Variants in LSAMP observed in about 807,000 individuals in gnomAD.
LSAMP encodes the protein limbic system-associated membrane protein.
A neutral mutation model predicts 38.6 loss-of-function variants in LSAMP; 7 were observed. The ratio of observed to expected loss-of-function variants is 0.18; its 90% CI spans 0.10 to 0.34. The LOEUF (loss-of-function observed/expected upper bound fraction) is 0.34. Among genes scored for constraint, LSAMP ranks in the 10% least tolerant of loss-of-function variants. The pLI is 1.00. For synonymous variants in LSAMP, 154 were observed against 166.8 expected (o/e 0.92, Z 0.59); for missense variants, 313 against 420.0 (o/e 0.75, Z 2.23).
intron 1 of LSAMP, among the ~76,000 whole-genome samples, chr3:116,222,046 C>T (rs2046291853): frequency 6.6e-6 from 1 of 152,148 alleles, no homozygotes; most frequent in Admixed American, 6.5e-5. Flanking sequence ...TTCTCCATCA[C>T]TTGATATTGG....
At chr3:116,392,161 C>T (rs1372223109) in intron 1 of LSAMP, among the ~76,000 whole-genome samples, 1 of 152,196 alleles carries the variant, frequency 6.6e-6, no homozygotes, top group African/African-American at 2.4e-5. Context: ...GTACACATTC[C>T]ACTGAGCCAG....
At chr3:115,862,767 C>T (rs1285183818) in intron 3 of LSAMP, among the ~76,000 whole-genome samples, 1 of 152,194 alleles carries the variant, frequency 6.6e-6, no homozygotes, top group Non-Finnish European at 1.5e-5. Flanking sequence ...AAAATTACTC[C>T]ATCAACATTC....
chr3:116,252,689 C>T (rs559472445), intron 1 of LSAMP, among the ~76,000 whole-genome samples: 9 of 152,282 alleles, frequency 5.9e-5, no homozygotes, highest in South Asian at 2.1e-4. Flanking sequence ...GCATTATGAA[C>T]GTGAATAACT....
chr3:116,121,115 C>T (rs1708865613), intron 1 of LSAMP, among the ~76,000 whole-genome samples: 1 of 152,186 alleles, frequency 6.6e-6, no homozygotes, highest in Admixed American at 6.5e-5. Context: ...TTTGTGTGCA[C>T]TTTTCTCATT....
intron 1 of LSAMP, among the ~76,000 whole-genome samples, chr3:116,215,126 C>G (rs1044901569): frequency 6.6e-6 from 1 of 152,130 alleles, no homozygotes; most frequent in South Asian, 2.1e-4. Context: ...TCCTTATTCT[C>G]AAAATGCTTA....
At chr3:116,439,456 T>C (rs2049401721) in intron 1 of LSAMP, among the ~76,000 whole-genome samples, 1 of 151,778 alleles carries the variant, frequency 6.6e-6, no homozygotes, top group Admixed American at 6.6e-5. Context: ...ACCTACTGAC[T>C]CAAAAACTCT....
rs1559888324 is a variant in LSAMP at position 115,937,795 on chromosome 3, ATGGCCAGCTAAATGATATTGGCTAATC to A, written c.514+81693_514+81719del. Among the ~76,000 whole-genome samples the A allele has an allele frequency of 0.015, 30 of 2,026 alleles. No homozygotes were observed. The East Asian group carries it at 0.35, about 24-fold the overall frequency. 1.3% of individuals were successfully genotyped at this position (2,026 alleles called of 152,430 possible). A position where few individuals can be genotyped will look rare whatever the true frequency, so the allele number is the denominator to read the frequency against. On this transcript the variant is annotated intron_variant, in intron 3 of 6. Transcript: ENST00000490035. ...GCTAAATGATATTGGCTAATCCTGT[ATGGCCAGCTAAATGATATTGGCTAATC>A]CTGTATGGCCAGCTACTTCTTCCAC...
chr3:116,284,842 C>T (rs1302452578), intron 1 of LSAMP, among the ~76,000 whole-genome samples: 1 of 152,074 alleles, frequency 6.6e-6, no homozygotes, highest in Non-Finnish European at 1.5e-5. Context: ...TGATCAAGTC[C>T]ACAAGTTCAT....
chr3:116,297,798 A>G (rs2047355890), intron 1 of LSAMP, among the ~76,000 whole-genome samples: 1 of 152,230 alleles, frequency 6.6e-6, no homozygotes, highest in African/African-American at 2.4e-5. Context: ...ATTTTTTAGG[A>G]AATAAATATT....
chr3:115,980,815 T>G (rs933069218), intron 3 of LSAMP, among the ~76,000 whole-genome samples: 4 of 152,202 alleles, frequency 2.6e-5, no homozygotes, highest in African/African-American at 4.8e-5. Context: ...CCTAAGGTCA[T>G]ATATCTTTTG....
At chr3:115,892,582 G>A (rs1359550710) in intron 3 of LSAMP, among the ~76,000 whole-genome samples, 1 of 151,892 alleles carries the variant, frequency 6.6e-6, no homozygotes, top group African/African-American at 2.4e-5. Context: ...GAAAGCATAA[G>A]GGGGGTTTCG....
intron 1 of LSAMP, among the ~76,000 whole-genome samples, chr3:116,372,245 A>C (rs1440908763): frequency 6.6e-6 from 1 of 152,076 alleles, no homozygotes; most frequent in East Asian, 1.9e-4. Flanking sequence ...AATAAAATAC[A>C]GAGCCCCAAA....
intron 1 of LSAMP, among the ~76,000 whole-genome samples, chr3:116,209,034 A>G (rs1042754433): frequency 5.9e-5 from 9 of 152,126 alleles, no homozygotes; most frequent in South Asian, 2.1e-4. Flanking sequence ...TCAGACTGCT[A>G]TGCTAGCAAT....
chr3:116,375,466 C>G (rs919509194), intron 1 of LSAMP, among the ~76,000 whole-genome samples: 1 of 151,422 alleles, frequency 6.6e-6, no homozygotes, highest in Non-Finnish European at 1.5e-5. Flanking sequence ...AAAATGAAAC[C>G]CATAGCCTAT....
At chr3:116,004,475 A>G (rs1268574935) in intron 3 of LSAMP, among the ~76,000 whole-genome samples, 1 of 125,026 alleles carries the variant, frequency 8.0e-6, no homozygotes, top group Non-Finnish European at 1.8e-5. Flanking sequence ...TACATACACT[A>G]TTATGCATAC....
intron 1 of LSAMP, among the ~76,000 whole-genome samples, chr3:116,196,521 C>A (rs969984073): frequency 6.6e-6 from 1 of 151,736 alleles, no homozygotes; most frequent in Non-Finnish European, 1.5e-5. Context: ...TATTTCTCCC[C>A]GATATACTAT....
At chr3:115,868,629 T>C (rs532190317) in intron 3 of LSAMP, among the ~76,000 whole-genome samples, 2 of 152,240 alleles carry the variant, frequency 1.3e-5, no homozygotes, top group Admixed American at 6.5e-5. Context: ...GAAACTTAAT[T>C]AACTCATTTT....
intron 3 of LSAMP, among the ~76,000 whole-genome samples, chr3:115,909,815 T>C (rs1243084384): frequency 6.6e-6 from 1 of 152,190 alleles, no homozygotes; most frequent in African/African-American, 2.4e-5. Flanking sequence ...TAATATACTT[T>C]AATGAGAAGT....
chr3:115,974,629 T>G (rs1939126653), intron 3 of LSAMP, among the ~76,000 whole-genome samples: 1 of 152,204 alleles, frequency 6.6e-6, no homozygotes, highest in South Asian at 2.1e-4. Flanking sequence ...GCCCAAATTT[T>G]CATTTCACAT....
Sources: allele counts gnomAD v4.1 joint callset (sites outside exome capture counted in the v4.1 genomes callset), GRCh38; gene constraint gnomAD v4.1.1; transcripts MANE v1.5; gene names NCBI Gene and HGNC (gene_info 2026-07-23, HGNC 2026-07-21).